ZNF221: variants seen among roughly 807,000 people sequenced by gnomAD.
ZNF221 encodes zinc finger protein 221.
A neutral mutation model predicts 12.6 loss-of-function variants in ZNF221; 10 were observed. That is an observed-to-expected ratio of 0.79 (90% CI 0.49 to 1.34). The LOEUF (loss-of-function observed/expected upper bound fraction) is 1.34. ZNF221 is among the 40% of genes most tolerant of loss of function. The probability of loss-of-function intolerance (pLI) is 0.00; values close to 1 mark genes in which losing one functional copy is unlikely to be tolerated. For missense variants in ZNF221, 661 were observed against 721.4 expected, an observed-to-expected ratio of 0.92 and a Z score of 0.96; for synonymous variants, 232 against 244.0, an observed-to-expected ratio of 0.95 and a Z score of 0.46.
chr19:43,956,207 A>G (rs894053974), intron 1 of ZNF221, among the ~76,000 whole-genome samples: 1 of 152,224 alleles, frequency 6.6e-6, no homozygotes, highest in African/African-American at 2.4e-5. Flanking sequence ...TTCAGATTCT[A>G]TTCTACACTG....
chr19:43,962,633 T>C (rs1176258333), intron 1 of ZNF221, 92 bp from the exon 2 acceptor site: 5 of 1,229,470 alleles, frequency 4.1e-6, no homozygotes, highest in East Asian at 2.3e-5. Flanking sequence ...TGAACATTCA[T>C]GTGCTAATTG....
At chr19:43,951,454 G>A (rs1258567601) in intron 1 of ZNF221, 54 bp downstream of exon 1, 2 of 152,208 alleles carry the variant, frequency 1.3e-5, no homozygotes. Flanking sequence ...GCCTTCTTGC[G>A]TTTAGGGCTG....
chr19:43,971,756 C>A (rs1003132022), downstream of ZNF221, among the ~76,000 whole-genome samples: 10 of 152,126 alleles, frequency 6.6e-5, no homozygotes, highest in Non-Finnish European at 1.2e-4. Context: ...GACCCAGATT[C>A]ATAAAGTAAG....
At chr19:43,964,650 C>T (rs892789814) in intron 2 of ZNF221, among the ~76,000 whole-genome samples, 4 of 152,140 alleles carry the variant, frequency 2.6e-5, no homozygotes, top group Non-Finnish European at 5.9e-5. Flanking sequence ...ACCTAAATAC[C>T]TGTAGCCCAG....
chr19:43,962,691 T>C (rs780865940), intron 1 of ZNF221, 34 bp from the exon 2 acceptor site: 1 of 1,595,592 alleles, frequency 6.3e-7, no homozygotes, highest in Non-Finnish European at 8.6e-7. Flanking sequence ...TACCATTTCC[T>C]GTCTGTTTTT....
At chr19:43,958,427 C>T (rs142283879) in intron 1 of ZNF221, among the ~76,000 whole-genome samples, 50 of 152,238 alleles carry the variant, frequency 3.3e-4, no homozygotes, top group African/African-American at 1.2e-3. Flanking sequence ...GGTATCCCAC[C>T]GAGCATTTAT....
the ZNF221 span, among the ~76,000 whole-genome samples, chr19:43,972,816 C>G: frequency 7.1e-6 from 1 of 140,848 alleles, no homozygotes; most frequent in African/African-American, 2.6e-5. Context: ...TGAATTCTAC[C>G]AGAGGTACAA....
Position 43,967,480 on chromosome 19 carries a change from CTTTTTTTT to C in ZNF221, c.*133_*140del, listed in dbSNP as rs56887248. 2.0e-6 allele frequency: 1 copy of C among 490,722 alleles called. No homozygotes were observed. The highest frequency in any genetic ancestry group is 3.5e-6 in the Non-Finnish European group (1 of 286,240). The allele number at this position is 490,722 out of a possible 1,614,324, so 30.4% of individuals were successfully genotyped here. A position where few individuals can be genotyped will look rare whatever the true frequency, so the allele number is the denominator to read the frequency against. ...GAAGAGCTTTGTACATAGATCATATCTTTTTTTTTTTTTTTTGAGACAGAGTCTCACTC... is the reference window on the plus strand; with the variant it reads ...GAAGAGCTTTGTACATAGATCATATCTTTTTTTTGAGACAGAGTCTCACTC... On this transcript the variant is annotated 3_prime_UTR_variant, in exon 5 of 5. Transcript: ENST00000587682.
chr19:43,975,309 A>G, the ZNF221 span, among the ~76,000 whole-genome samples: 2 of 152,230 alleles, frequency 1.3e-5, no homozygotes, highest in African/African-American at 2.4e-5. Context: ...ATGCCCATCA[A>G]TGATAGACTG....
downstream of ZNF221, among the ~76,000 whole-genome samples, chr19:43,968,915 G>A (rs527818703): frequency 2.6e-4 from 40 of 152,292 alleles, 1 homozygote; most frequent in Non-Finnish European, 4.4e-4. Flanking sequence ...CCAGGGCCTT[G>A]GGTTTGATAC....
the ZNF221 span, among the ~76,000 whole-genome samples, chr19:43,981,466 A>G: frequency 6.6e-6 from 1 of 152,366 alleles, no homozygotes; most frequent in East Asian, 1.9e-4. Context: ...GGGATAATAT[A>G]CAAATGTACA....
intron 1 of ZNF221, chr19:43,961,898 T>A (rs1275449925): frequency 1.3e-5 from 2 of 152,356 alleles, no homozygotes; most frequent in East Asian, 3.9e-4. Context: ...ATGATGTCTG[T>A]TTTTCCCTTC....
At chr19:43,961,031 A>G (rs955828348) in intron 1 of ZNF221, among the ~76,000 whole-genome samples, 25 of 152,334 alleles carry the variant, frequency 1.6e-4, no homozygotes, top group African/African-American at 5.1e-4. Context: ...CTGCTCAGTC[A>G]TATCACTTGG....
intron 1 of ZNF221, among the ~76,000 whole-genome samples, chr19:43,955,005 T>C (rs1006859629): frequency 6.6e-6 from 1 of 152,096 alleles, no homozygotes; most frequent in Non-Finnish European, 1.5e-5. Flanking sequence ...AATGTTTTAA[T>C]TGCCTGTTCC....
At chr19:43,962,896 GAAC>G in intron 2 of ZNF221, 89 bp downstream of exon 2, 6 of 1,261,670 alleles carry the variant, frequency 4.8e-6, no homozygotes, top group Non-Finnish European at 6.6e-6. Context: ...GACTCAAGGA[GAAC>G]AACAAGCATT....
In ZNF221 at chr19:43,965,242, C is replaced by A. The variant is rs1364387395; in HGVS notation, c.218C>A (p.Pro73Gln). Residue 73 changes from proline (P) to glutamine (Q), a missense_variant, in exon 4 of 5, where the codon CCA becomes CAA. Transcript: ENST00000587682. ...FRNLLSVGNQ[P>Q]FHQDTFHFLG... Reference sequence around the variant, plus strand: ...CACTGTGTGTTCACAGGGAATCAACCATTCCACCAAGATACTTTCCACTTC... The same window carrying A: ...CACTGTGTGTTCACAGGGAATCAACAATTCCACCAAGATACTTTCCACTTC... 3.1e-6 allele frequency: 5 copies of A among 1,611,228 alleles called. No individual in the cohort carries two copies. The highest frequency in any genetic ancestry group is 4.2e-6 in the Non-Finnish European group (5 of 1,178,768).
chr19:43,952,633 C>T (rs982533093), intron 1 of ZNF221, among the ~76,000 whole-genome samples: 1 of 152,088 alleles, frequency 6.6e-6, no homozygotes, highest in African/African-American at 2.4e-5. Context: ...GGGGTTGGAA[C>T]CTTTGCGGTC....
rs181936929 is a variant in ZNF221, at chr19:43,966,934, T to C, written c.1432T>C (p.Tyr478His). The C allele has an allele frequency of 3.1e-6, 5 of 1,614,230 alleles. No homozygotes were observed. Among genetic ancestry groups the C allele is most frequent in the Admixed American group, 1.7e-5 (1 of 60,024 alleles). ...GAGGGTCCACACGGGTGAGAGACCC[T>C]ATAATTGTAAGGAATGTGGCAAGAG... ...HQRVHTGERP[Y>H]NCKECGKSFG... The change falls in exon 5 of 5, where the codon TAT (tyrosine) becomes CAT (histidine). Residue 478 changes from tyrosine (Y) to histidine (H), a missense_variant. Physicochemically the swap from Tyr to His is moderately conservative, Grantham distance 83. Transcript: ENST00000587682.
chr19:43,973,466 T>G, the ZNF221 span, among the ~76,000 whole-genome samples: 2 of 152,184 alleles, frequency 1.3e-5, no homozygotes, highest in Non-Finnish European at 1.5e-5. Flanking sequence ...CACAGTATCT[T>G]TGTTTGCAGA....
Sources: gnomAD v4.1 joint callset for allele counts (sites outside exome capture counted in the v4.1 genomes callset) on GRCh38, gnomAD v4.1.1 for gene constraint, MANE v1.5 for transcripts, NCBI Gene and HGNC (gene_info 2026-07-23, HGNC 2026-07-21) for gene names.